Variants in CCSER1 observed in about 807,000 individuals in gnomAD.
CCSER1 encodes serine-rich coiled-coil domain-containing protein 1.
Under a neutral mutation model 82.0 loss-of-function variants are expected in CCSER1, and 41 were observed. That is an observed-to-expected ratio of 0.50 (90% CI 0.39 to 0.65). The LOEUF is 0.65. Ranked by LOEUF, CCSER1 falls within the 30% of genes least tolerant of loss-of-function variation. The pLI is 0.00. For missense variants in CCSER1, 1,119 were observed against 1,064.2 expected, an observed-to-expected ratio of 1.05 and a Z score of -0.72; for synonymous variants, 414 against 383.9, an observed-to-expected ratio of 1.08 and a Z score of -0.92.
chr4:90,938,163 G>A (rs1731180849), intron 9 of CCSER1, among the ~76,000 whole-genome samples: 1 of 151,948 alleles, frequency 6.6e-6, no homozygotes, highest in Non-Finnish European at 1.5e-5. Flanking sequence ...ATAAAGTTTA[G>A]AGACTAAAAT....
At chr4:91,417,107 G>A (rs1372564577) in intron 10 of CCSER1, among the ~76,000 whole-genome samples, 1 of 152,040 alleles carries the variant, frequency 6.6e-6, no homozygotes, top group East Asian at 1.9e-4. Context: ...ATGAAAAAAA[G>A]CCTCAACATC....
Position 90,909,822 on chromosome 4 carries a change from A to G in CCSER1, c.2095-13548A>G, listed in dbSNP as rs140302359. 3.9e-3 allele frequency among the ~76,000 whole-genome samples: 590 copies of G among 152,334 alleles called. 3 individuals are homozygous for G. The highest frequency in any genetic ancestry group is 0.013 in the African/African-American group (559 of 41,588). On this transcript the variant is annotated intron_variant, in intron 8 of 10. Transcript: ENST00000509176. ...AATCCATTATTAGTGAAACTTTGCC[A>G]GTGTTTAAATATACTGCAATGTACT... is the stretch of plus-strand genomic sequence containing the variant.
chr4:91,167,497 C>T (rs1043641133), intron 10 of CCSER1, among the ~76,000 whole-genome samples: 1 of 152,144 alleles, frequency 6.6e-6, no homozygotes, highest in East Asian at 1.9e-4. Context: ...AATTGCAATA[C>T]TTAAACTTAA....
At chr4:91,380,522 G>T (rs1578316937) in intron 10 of CCSER1, among the ~76,000 whole-genome samples, 1 of 152,174 alleles carries the variant, frequency 6.6e-6, no homozygotes, top group African/African-American at 2.4e-5. Flanking sequence ...TGTCTCTTTT[G>T]ATCTTTGATG....
intron 10 of CCSER1, among the ~76,000 whole-genome samples, chr4:91,260,976 G>A: frequency 6.6e-6 from 1 of 152,058 alleles, no homozygotes; most frequent in East Asian, 1.9e-4. Context: ...TGTTAGCCAT[G>A]ATGGTCTCGA....
At chr4:90,292,551 G>C (rs902701512) in intron 1 of CCSER1, among the ~76,000 whole-genome samples, 30 of 151,838 alleles carry the variant, frequency 2.0e-4, no homozygotes, top group African/African-American at 7.0e-4. Context: ...CCAAGATTCT[G>C]TTTTTCACAT....
chr4:91,030,917 T>G (rs1740928686), intron 9 of CCSER1, among the ~76,000 whole-genome samples: 1 of 152,184 alleles, frequency 6.6e-6, no homozygotes, highest in Non-Finnish European at 1.5e-5. Flanking sequence ...ATCTGGTTAG[T>G]CACAGTTTTT....
chr4:90,323,755 G>A (rs1478898305), intron 3 of CCSER1, among the ~76,000 whole-genome samples: 1 of 151,962 alleles, frequency 6.6e-6, no homozygotes, highest in Non-Finnish European at 1.5e-5. Context: ...TGCCATGCTG[G>A]TGTGCTGCAC....
chr4:90,247,135 C>T (rs1721552969), intron 1 of CCSER1, among the ~76,000 whole-genome samples: 1 of 152,158 alleles, frequency 6.6e-6, no homozygotes, highest in Admixed American at 6.5e-5. Context: ...TTTCATCATG[C>T]TCCTCAGAAT....
chr4:90,714,051 G>T (rs555274726), intron 6 of CCSER1, among the ~76,000 whole-genome samples: 2 of 151,864 alleles, frequency 1.3e-5, no homozygotes, highest in African/African-American at 2.4e-5. Flanking sequence ...GGAAATTTCA[G>T]TTGAAAACGT....
At chr4:90,482,992 A>G (rs1393216619) in intron 5 of CCSER1, among the ~76,000 whole-genome samples, 2 of 152,052 alleles carry the variant, frequency 1.3e-5, no homozygotes, top group African/African-American at 4.8e-5. Flanking sequence ...TCCCATTACT[A>G]TTGTGTGGGA....
At chr4:90,206,781 A>ATTGACAGTGTGGTG (rs200749504) in intron 1 of CCSER1, among the ~76,000 whole-genome samples, 2 of 123,128 alleles carry the variant, frequency 1.6e-5, no homozygotes, top group African/African-American at 3.6e-5. Context: ...TCTGTCTAAT[A>ATTGACAGTGTGGTG]TTAAAGTCTC....
intron 1 of CCSER1, among the ~76,000 whole-genome samples, chr4:90,179,534 C>T (rs1733330645): frequency 6.6e-6 from 1 of 152,222 alleles, no homozygotes; most frequent in East Asian, 1.9e-4. Flanking sequence ...TTGTGCACCA[C>T]CATGCCCAGC....
chr4:90,652,610 G>A (rs1309892266), intron 6 of CCSER1, among the ~76,000 whole-genome samples: 2 of 151,994 alleles, frequency 1.3e-5, no homozygotes, highest in African/African-American at 4.8e-5. Context: ...TCTCTTCCCT[G>A]TTATCTTATT....
intron 10 of CCSER1, among the ~76,000 whole-genome samples, chr4:91,160,797 T>A (rs1225093155): frequency 1.3e-5 from 2 of 152,200 alleles, no homozygotes; most frequent in Non-Finnish European, 1.5e-5. Flanking sequence ...AGATTCTGGA[T>A]ATTAGCCCTT....
At chr4:90,907,912 A>G (rs1486895795) in intron 8 of CCSER1, among the ~76,000 whole-genome samples, 2 of 152,102 alleles carry the variant, frequency 1.3e-5, no homozygotes, top group Non-Finnish European at 2.9e-5. Flanking sequence ...CCAATAGCAA[A>G]TGTGTCTGCA....
chr4:90,479,951 C>A (rs1475251154), intron 5 of CCSER1, among the ~76,000 whole-genome samples: 1 of 152,204 alleles, frequency 6.6e-6, no homozygotes, highest in Non-Finnish European at 1.5e-5. Flanking sequence ...AGAATCGCCA[C>A]ACCAATTTCC....
intron 1 of CCSER1, among the ~76,000 whole-genome samples, chr4:90,146,304 C>G (rs1436920962): frequency 2.0e-5 from 3 of 151,980 alleles, no homozygotes; most frequent in Admixed American, 6.6e-5. Flanking sequence ...TATGTAAAGT[C>G]TCTTTAAATT....
chr4:91,095,998 G>T (rs911194738), intron 10 of CCSER1, among the ~76,000 whole-genome samples: 3 of 152,176 alleles, frequency 2.0e-5, no homozygotes, highest in Non-Finnish European at 4.4e-5. Flanking sequence ...GCCCAAGTAG[G>T]ATTATGAGTC....
Sources: gnomAD v4.1 joint callset for allele counts (sites outside exome capture counted in the v4.1 genomes callset) on GRCh38, gnomAD v4.1.1 for gene constraint, MANE v1.5 for transcripts, NCBI Gene and HGNC (gene_info 2026-07-23, HGNC 2026-07-21) for gene names.